FRMPD4: variants seen among roughly 807,000 people sequenced by gnomAD.
FRMPD4 encodes the protein FERM and PDZ domain containing 4, also known as FERM and PDZ domain-containing protein 4.
FRMPD4 carries 22 observed loss-of-function variants against 94.1 expected under a neutral mutation model. The ratio of observed to expected loss-of-function variants is 0.23; its 90% CI spans 0.17 to 0.33. The LOEUF is 0.33. Ranked by LOEUF, FRMPD4 falls within the 10% of genes least tolerant of loss-of-function variation. The pLI is 1.00. For synonymous variants in FRMPD4, 631 were observed against 548.6 expected (o/e 1.15, Z -2.10); for missense variants, 1,111 against 1,339.9 (o/e 0.83, Z 2.67).
chrX:12,499,767 T>C (rs1188212113), intron 2 of FRMPD4, among the ~76,000 whole-genome samples: 4 of 112,445 alleles, frequency 3.6e-5, no homozygotes, highest in Non-Finnish European at 5.6e-5. Flanking sequence ...TGTGTATTCA[T>C]TCATCTGTTA....
chrX:11,861,925 G>C lies in FRMPD4; in HGVS notation c.-160-3161G>C, dbSNP rs1388132391. Among the ~76,000 whole-genome samples the C allele has an allele frequency of 3.6e-5, 4 of 111,839 alleles. No homozygotes were observed. In the Admixed American group the frequency reaches 3.8e-4, roughly 11 times the overall value. On this transcript the variant is annotated intron_variant, in intron 1 of 18. Transcript: ENST00000640291. Reference sequence around the variant, plus strand: ...TACAGGAAGCATGAGGTCAGCATCTGCTTGGCTTCTGGGGAGGCCTCAGGA... The same window carrying C: ...TACAGGAAGCATGAGGTCAGCATCTCCTTGGCTTCTGGGGAGGCCTCAGGA...
At chrX:12,072,653 T>C (rs900635167) in intron 3 of FRMPD4, among the ~76,000 whole-genome samples, 2 of 111,799 alleles carry the variant, frequency 1.8e-5, no homozygotes, top group Non-Finnish European at 3.8e-5. Context: ...ACAATAGACT[T>C]AATAGCTTAT....
intron 1 of FRMPD4, among the ~76,000 whole-genome samples, chrX:11,838,071 C>CT (rs113454436): frequency 9.0e-6 from 1 of 110,933 alleles, no homozygotes; most frequent in South Asian, 3.7e-4. Context: ...GTTGAAGACA[C>CT]TTTTTTTTAC....
rs2057902677 is a variant in FRMPD4 at position 12,500,127 on chromosome X, GA to G, written c.158+1334del. Among the ~76,000 whole-genome samples, 3 of 111,058 alleles carry G rather than the reference GA, an allele frequency of 2.7e-5. No individual in the cohort carries two copies. The South Asian group carries it at 1.2e-3, about 43-fold the overall frequency. On this transcript the variant is annotated intron_variant, in intron 2 of 16. Coordinates refer to ENST00000675598, the MANE Select transcript of FRMPD4 (RefSeq NM_001368397.1). Reference sequence around the variant, plus strand: ...CTGAGCAAAATATCCTTAATTATAAGAAATTCATGAAACAGATTTGAAATCA... The same window carrying G: ...CTGAGCAAAATATCCTTAATTATAAGAATTCATGAAACAGATTTGAAATCA...
At chrX:12,468,067 TGAA>T (rs1415218321) in intron 1 of FRMPD4, among the ~76,000 whole-genome samples, 3 of 111,908 alleles carry the variant, frequency 2.7e-5, no homozygotes, top group African/African-American at 9.7e-5. Flanking sequence ...CCAAAATAAG[TGAA>T]GAAGTGAATC....
At chrX:12,643,141 A>C (rs1256974416) in intron 4 of FRMPD4, among the ~76,000 whole-genome samples, 5 of 86,626 alleles carry the variant, frequency 5.8e-5, no homozygotes, top group African/African-American at 1.4e-4. Context: ...CAAATAATTC[A>C]GTTTTTTTTT....
chrX:12,335,389 C>T (rs1259449180), intron 1 of FRMPD4, among the ~76,000 whole-genome samples: 1 of 111,737 alleles, frequency 8.9e-6, no homozygotes, highest in Non-Finnish European at 1.9e-5. Context: ...CAGCCTCCCA[C>T]AGTGCTGGGA....
chrX:12,568,840 C>T (rs770175058), intron 2 of FRMPD4, among the ~76,000 whole-genome samples: 2 of 111,559 alleles, frequency 1.8e-5, no homozygotes, highest in Admixed American at 9.6e-5. Flanking sequence ...AAGGAAGATA[C>T]GCATTTCAGA....
At chrX:12,673,314 C>T (rs756740007) in intron 4 of FRMPD4, among the ~76,000 whole-genome samples, 1 of 112,071 alleles carries the variant, frequency 8.9e-6, no homozygotes, top group Non-Finnish European at 1.9e-5. Flanking sequence ...AACTAAGAAA[C>T]AGTGCTTTGT....
At chrX:12,187,336 G>A (rs1022616419) in intron 1 of FRMPD4, among the ~76,000 whole-genome samples, 3 of 111,119 alleles carry the variant, frequency 2.7e-5, no homozygotes, top group Non-Finnish European at 5.7e-5. Context: ...TTATATTTTA[G>A]TTGCTTCCAA....
rs139824167 is a variant in FRMPD4, at chrX:12,707,267, A to C, written c.1288-202A>C. Reference sequence around the variant, plus strand: ...GATTATGAACATACTGTGCTATAACATTTACTTTCTAATTACTCATGATTT... The same window carrying C: ...GATTATGAACATACTGTGCTATAACCTTTACTTTCTAATTACTCATGATTT... On this transcript the variant is annotated intron_variant, in intron 12 of 16. Coordinates refer to ENST00000675598, the MANE Select transcript of FRMPD4 (RefSeq NM_001368397.1). Among the ~76,000 whole-genome samples the C allele has an allele frequency of 4.1e-3, 461 of 112,436 alleles. 4 individuals carry two copies. The South Asian group carries it at 0.063, about 15-fold the overall frequency.
At chrX:11,867,694 T>G (rs2053729454) in intron 2 of FRMPD4, among the ~76,000 whole-genome samples, 1 of 112,200 alleles carries the variant, frequency 8.9e-6, no homozygotes, top group Non-Finnish European at 1.9e-5. Flanking sequence ...TCATGCCCTG[T>G]GGAGCGTGTC....
At chrX:12,323,158 G>C (rs144534307) in intron 1 of FRMPD4, among the ~76,000 whole-genome samples, 99 of 111,856 alleles carry the variant, frequency 8.9e-4, no homozygotes, top group African/African-American at 2.8e-3. Flanking sequence ...ACCTAGAATT[G>C]GATGCCCCCA....
chrX:12,528,319 G>GTTTTTTTTTTTTTTTTTT (rs62720861), intron 2 of FRMPD4, among the ~76,000 whole-genome samples: 3 of 73,866 alleles, frequency 4.1e-5, no homozygotes, highest in Non-Finnish European at 7.4e-5. Flanking sequence ...TTTTGTTTTT[G>GTTTTTTTTTTTTTTTTTT]TTTTTTTTTT....
At chrX:12,129,644 C>T (rs907236176) in intron 3 of FRMPD4, among the ~76,000 whole-genome samples, 1 of 111,751 alleles carries the variant, frequency 8.9e-6, no homozygotes, top group Non-Finnish European at 1.9e-5. Flanking sequence ...TTGCTCAGAC[C>T]CATGGACATT....
Position 12,721,538 on chromosome X carries a change from T to C in FRMPD4, c.4969T>C (p.Cys1657Arg). The C allele has an allele frequency of 1.2e-5, 9 of 753,610 alleles. No individual in the cohort carries two copies. Among genetic ancestry groups the C allele is most frequent in the Non-Finnish European group, 1.4e-5 (9 of 637,365 alleles). 62.1% of individuals were successfully genotyped at this position (753,610 alleles called of 1,213,427 possible). The change falls in exon 17 of 17, where the codon TGT becomes CGT. Residue 1657 changes from cysteine (C) to arginine (R), a missense_variant. Transcript: ENST00000675598. Reference sequence around the variant, plus strand: ...TGAGTCCAGACAGTTGGGAAGTGCCTGTAGGAAAATGGCGATGGCTGAGAA... The same window carrying C: ...TGAGTCCAGACAGTTGGGAAGTGCCCGTAGGAAAATGGCGATGGCTGAGAA... ...SIESRQLGSA[C>R]RKMAMAEKSP...
At chrX:12,023,015 AT>A (rs1304458838) in intron 3 of FRMPD4, among the ~76,000 whole-genome samples, 1 of 111,311 alleles carries the variant, frequency 9.0e-6, no homozygotes, top group Non-Finnish European at 1.9e-5. Flanking sequence ...CAGATATTGA[AT>A]TCCTAACTCT....
rs1184156812 is a variant in FRMPD4 at position 12,418,008 on chromosome X, A to C, written c.42-80672A>C. 2.8e-5 allele frequency among the ~76,000 whole-genome samples: 3 copies of C among 108,696 alleles called. 1 individual carries two copies. The highest frequency in any genetic ancestry group is 6.7e-5 in the African/African-American group (2 of 29,927). 94.4% of individuals were successfully genotyped at this position (108,696 alleles called of 115,157 possible). ...GACTCTGTCTCAAAAAAAAAAAAAAAAAAACAAACAACAACAACAACAAAA... is the reference window on the plus strand; with the variant it reads ...GACTCTGTCTCAAAAAAAAAAAAAACAAAACAAACAACAACAACAACAAAA... On this transcript the variant is annotated intron_variant, in intron 1 of 16. Transcript: ENST00000675598.
At chrX:12,580,612 G>A (rs2058854764) in intron 2 of FRMPD4, among the ~76,000 whole-genome samples, 1 of 111,966 alleles carries the variant, frequency 8.9e-6, no homozygotes, top group African/African-American at 3.2e-5. Context: ...TCGTGATGAT[G>A]TGAGATGATA....
Sources: gnomAD v4.1 joint callset for allele counts (sites outside exome capture counted in the v4.1 genomes callset) on GRCh38, gnomAD v4.1.1 for gene constraint, MANE v1.5 for transcripts, NCBI Gene and HGNC (gene_info 2026-07-23, HGNC 2026-07-21) for gene names.